Variants in SDK1 observed in about 807,000 individuals in gnomAD.
SDK1 encodes the protein sidekick cell adhesion molecule 1.
In SDK1, 157 loss-of-function variants were observed where a neutral mutation model predicts 245.5. That is an observed-to-expected ratio of 0.64 (90% CI 0.56 to 0.73). SDK1 has a LOEUF of 0.73. Among genes scored for constraint, SDK1 ranks in the 30% least tolerant of loss-of-function variants. The pLI, the probability that SDK1 is intolerant of heterozygous loss-of-function variation, is 0.00. For synonymous variants in SDK1, 1,647 were observed against 1,278.5 expected, an observed-to-expected ratio of 1.29 and a Z score of -6.15; for missense variants, 3,583 against 3,002.3, an observed-to-expected ratio of 1.19 and a Z score of -4.52.
At chr7:3,591,106 C>G (rs1780859500) in intron 1 of SDK1, among the ~76,000 whole-genome samples, 1 of 152,034 alleles carries the variant, frequency 6.6e-6, no homozygotes, top group African/African-American at 2.4e-5. Flanking sequence ...AGGTAGATTC[C>G]TGTATTTTAA....
At chr7:4,156,358 C>G (rs1306061799) in intron 30 of SDK1, among the ~76,000 whole-genome samples, 1 of 152,234 alleles carries the variant, frequency 6.6e-6, no homozygotes, top group Non-Finnish European at 1.5e-5. Context: ...CAAAGGCTGT[C>G]TACCAGAACT....
chr7:3,910,550 G>A (rs1034351577), intron 5 of SDK1, among the ~76,000 whole-genome samples: 4 of 152,134 alleles, frequency 2.6e-5, no homozygotes, highest in Non-Finnish European at 2.9e-5. Context: ...GGTTACCTTC[G>A]GCGCTACCAT....
At chr7:3,761,260 C>CG (rs1780089957) in intron 4 of SDK1, among the ~76,000 whole-genome samples, 1 of 93,762 alleles carries the variant, frequency 1.1e-5, no homozygotes, top group Admixed American at 1.3e-4. Context: ...GCCCCCCCTC[C>CG]TTTTTTTTTT....
At chr7:3,809,971 G>A (rs542044077) in intron 4 of SDK1, among the ~76,000 whole-genome samples, 9 of 152,190 alleles carry the variant, frequency 5.9e-5, no homozygotes, top group African/African-American at 1.4e-4. Flanking sequence ...TGCGGACACC[G>A]ACAGCCATGC....
chr7:3,977,475 C>A (rs1362723495), intron 13 of SDK1, among the ~76,000 whole-genome samples: 1 of 152,262 alleles, frequency 6.6e-6, no homozygotes, highest in East Asian at 1.9e-4. Context: ...AGGTTTCCCC[C>A]AGCCCCTGCC....
chr7:3,686,164 C>T (rs959873894), intron 4 of SDK1, among the ~76,000 whole-genome samples: 8 of 152,202 alleles, frequency 5.3e-5, no homozygotes, highest in African/African-American at 1.2e-4. Context: ...CAACCTCTAC[C>T]TCCTGGGTTC....
At chr7:3,975,407 G>C (rs1782841773) in intron 13 of SDK1, among the ~76,000 whole-genome samples, 1 of 152,176 alleles carries the variant, frequency 6.6e-6, no homozygotes, top group Non-Finnish European at 1.5e-5. Flanking sequence ...AGGCAATCTT[G>C]AGAGATTTTT....
At chr7:3,674,127 A>C (rs1454586754) in intron 4 of SDK1, among the ~76,000 whole-genome samples, 1 of 152,230 alleles carries the variant, frequency 6.6e-6, no homozygotes, top group African/African-American at 2.4e-5. Context: ...ATTGAAGCAC[A>C]GTCAATGTGT....
chr7:3,616,605 G>C (rs912973292), intron 1 of SDK1, among the ~76,000 whole-genome samples: 1 of 152,172 alleles, frequency 6.6e-6, no homozygotes, highest in Non-Finnish European at 1.5e-5. Context: ...CGTACTCATA[G>C]ATGCAATTTA....
intron 20 of SDK1, among the ~76,000 whole-genome samples, chr7:4,075,429 A>G (rs1780606252): frequency 6.6e-6 from 1 of 152,050 alleles, no homozygotes. Context: ...TTTCATCAGA[A>G]TGAGGAGGAA....
At chr7:3,955,800 T>A (rs561835151) in intron 7 of SDK1, among the ~76,000 whole-genome samples, 3 of 152,204 alleles carry the variant, frequency 2.0e-5, no homozygotes, top group Admixed American at 1.3e-4. Flanking sequence ...GTTGCCTCCA[T>A]TGGGCCTGAG....
chr7:3,940,362 G>A (rs1780312580), intron 5 of SDK1, among the ~76,000 whole-genome samples: 2 of 152,240 alleles, frequency 1.3e-5, no homozygotes, highest in Admixed American at 6.5e-5. Context: ...CTTAGCCACC[G>A]TCCTGCAAGG....
chr7:3,661,999 A>G (rs1213803526), intron 4 of SDK1, among the ~76,000 whole-genome samples: 2 of 147,964 alleles, frequency 1.4e-5, no homozygotes, highest in Non-Finnish European at 3.0e-5. Flanking sequence ...TATTATTACC[A>G]CTTACTCAAA....
intron 5 of SDK1, among the ~76,000 whole-genome samples, chr7:3,945,983 A>G (rs889069390): frequency 1.3e-5 from 2 of 149,866 alleles, no homozygotes; most frequent in African/African-American, 2.4e-5. Flanking sequence ...AAAATATTGG[A>G]AAAAAGTAAG....
chr7:3,478,388 G>A (rs1051435787), intron 1 of SDK1, among the ~76,000 whole-genome samples: 1 of 151,958 alleles, frequency 6.6e-6, no homozygotes, highest in Non-Finnish European at 1.5e-5. Flanking sequence ...TTATAAATGA[G>A]AGCTTCATTT....
intron 4 of SDK1, among the ~76,000 whole-genome samples, chr7:3,672,105 C>T (rs1345028768): frequency 2.0e-5 from 3 of 152,008 alleles, no homozygotes; most frequent in African/African-American, 4.8e-5. Context: ...GAGGAGTTTT[C>T]CTGGTAACTC....
Position 4,091,334 on chromosome 7 carries a change from C to CTTTTCTTT in SDK1, c.3324+11754_3324+11755insCTTTTTTT, listed in dbSNP as rs1259034611. Among the ~76,000 whole-genome samples, 176 of 108,202 alleles carry CTTTTCTTT rather than the reference C, an allele frequency of 1.6e-3. 3 individuals carry two copies. The highest frequency in any genetic ancestry group is 0.012 in the South Asian group (39 of 3,240). 71.0% of individuals were successfully genotyped at this position (108,202 alleles called of 152,430 possible). On this transcript the variant is annotated intron_variant, in intron 22 of 44. Transcript: ENST00000404826. ...CACATTTGCCATTTTCTTTTCTTTT[C>CTTTTCTTT]TTTTTTTTTTTTTTTTTTTTTTGTT...
At chr7:3,490,825 T>G (rs975898771) in intron 1 of SDK1, among the ~76,000 whole-genome samples, 1 of 152,180 alleles carries the variant, frequency 6.6e-6, no homozygotes, top group African/African-American at 2.4e-5. Flanking sequence ...ATTCTCCTTT[T>G]AGTATATACT....
rs746017378 is a variant in SDK1 at position 3,549,552 on chromosome 7, G to A, written c.299-69528G>A. Among the ~76,000 whole-genome samples, 15 of 152,270 alleles carry A rather than the reference G, an allele frequency of 9.9e-5. 2 individuals are homozygous for A. The South Asian group carries it at 1.0e-3, about 11-fold the overall frequency. ...TGAAGTAGGATAGAGGTATATCATC[G>A]ATCACAGTGCACACCAGACAGAATT... On this transcript the variant is annotated intron_variant, in intron 1 of 44. Coordinates refer to ENST00000404826, the MANE Select transcript of SDK1 (RefSeq NM_152744.4).
Sources: gnomAD v4.1 joint callset for allele counts (sites outside exome capture counted in the v4.1 genomes callset) on GRCh38, gnomAD v4.1.1 for gene constraint, MANE v1.5 for transcripts, NCBI Gene and HGNC (gene_info 2026-07-23, HGNC 2026-07-21) for gene names.